GRAMD4: variants seen among roughly 807,000 people sequenced by gnomAD.
The protein encoded by GRAMD4 is GRAM domain containing 4.
GRAMD4 carries 25 observed loss-of-function variants against 83.9 expected under a neutral mutation model. The observed-to-expected ratio is 0.30, with a 90% confidence interval of 0.22 to 0.42. The LOEUF (loss-of-function observed/expected upper bound fraction) is 0.42. GRAMD4 is among the 10% of genes least tolerant of loss of function. GRAMD4 has a pLI of 1.00. For missense variants in GRAMD4, 593 were observed against 788.7 expected (o/e 0.75, Z 2.97); for synonymous variants, 336 against 320.9 (o/e 1.05, Z -0.50).
chr22:46,630,688 A>T lies in GRAMD4; in HGVS notation c.162+3727A>T, dbSNP rs112642561. Among the ~76,000 whole-genome samples, 156 of 152,090 alleles carry T rather than the reference A, an allele frequency of 1.0e-3. 1 individual carries two copies. Among genetic ancestry groups the T allele is most frequent in the African/African-American group, 3.6e-3 (149 of 41,406 alleles). On this transcript the variant is annotated intron_variant, in intron 2 of 18. Transcript: ENST00000406902. ...CAGCGGCTCAGGATCTCACCCTGGG[A>T]TGTTCGTCACTTCAGCTAATCTGTC...
rs745545858 is a variant in GRAMD4, at chr22:46,673,014, G to C, written c.1239+17G>C. ...TCACGCAGGGTGAGCCCGGCCCCCA[G>C]CTGCGGGGATGGGGGGATGGGGGGC... On this transcript the variant is annotated intron_variant, in intron 14 of 18. Transcript: ENST00000406902. The C allele has an allele frequency of 2.6e-6, 4 of 1,557,852 alleles. No individual in the cohort carries two copies. The Admixed American group carries it at 7.4e-5, about 29-fold the overall frequency.
chr22:46,615,960 TC>T (rs1419607150), upstream of GRAMD4, among the ~76,000 whole-genome samples: 2 of 132,404 alleles, frequency 1.5e-5, no homozygotes, highest in Admixed American at 1.5e-4. Flanking sequence ...ATGTGTAAGT[TC>T]CCCCCTGTGT....
chr22:46,597,261 G>C (rs958997356), intron 1 of GRAMD4, among the ~76,000 whole-genome samples: 4 of 152,160 alleles, frequency 2.6e-5, no homozygotes, highest in Non-Finnish European at 5.9e-5. Context: ...TGCTAAGCAA[G>C]GCTGTTTTAA....
chr22:46,585,286 G>A (rs1203376257), intron 1 of GRAMD4, among the ~76,000 whole-genome samples: 1 of 151,692 alleles, frequency 6.6e-6, no homozygotes, highest in Non-Finnish European at 1.5e-5. Flanking sequence ...CACCTCCCAG[G>A]TTCAAGTGAT....
intron 1 of GRAMD4, chr22:46,577,406 C>CCGCCGCCGCCGT: frequency 2.1e-6 from 1 of 482,926 alleles, no homozygotes. Flanking sequence ...CCCGCCGCCG[C>CCGCCGCCGCCGT]CGCCGCCGCC....
Position 46,677,306 on chromosome 22 carries a change from T to C in GRAMD4, c.*55T>C. On this transcript the variant is annotated 3_prime_UTR_variant, in exon 19 of 19. Transcript: ENST00000406902. ...TTTCTTTTTCTTTTTCTTTTTCTTT[T>C]TTTTTTTTTACGATTTGGTAGTGGA... 6.5e-7 allele frequency: 1 copy of C among 1,544,842 alleles called. No homozygotes were observed. Among genetic ancestry groups the C allele is most frequent in the South Asian group, 1.2e-5 (1 of 81,822 alleles).
At chr22:46,587,799 GCCTAA>G (rs2081165267) in intron 1 of GRAMD4, 1 of 589,058 alleles carries the variant, frequency 1.7e-6, no homozygotes, top group East Asian at 1.4e-4. Context: ...AGCCTGACCT[GCCTAA>G]CAGTGGAGGT....
intron 8 of GRAMD4, 112 bp from the exon 9 acceptor site, chr22:46,665,503 G>A: frequency 1.6e-6 from 1 of 628,154 alleles, no homozygotes; most frequent in East Asian, 2.8e-5. Flanking sequence ...TGGAGAGCCA[G>A]CGGGTGGCCT....
intron 1 of GRAMD4, among the ~76,000 whole-genome samples, chr22:46,602,982 C>G (rs1437402232): frequency 2.0e-5 from 3 of 151,882 alleles, no homozygotes; most frequent in Admixed American, 2.0e-4. Context: ...ATCTCGCTAT[C>G]TGCCTGCCTT....
chr22:46,671,456 A>C (rs1189805397), intron 13 of GRAMD4, among the ~76,000 whole-genome samples: 1 of 152,166 alleles, frequency 6.6e-6, no homozygotes, highest in Non-Finnish European at 1.5e-5. Context: ...CCTGGGCGAC[A>C]GAGCAAGACT....
chr22:46,599,964 G>A lies in GRAMD4; in HGVS notation c.-50+22674G>A, dbSNP rs566507457. Among the ~76,000 whole-genome samples the A allele has an allele frequency of 2.6e-5, 4 of 152,292 alleles. No homozygotes were observed. The East Asian group carries it at 7.7e-4, about 29-fold the overall frequency. On this transcript the variant is annotated intron_variant, in intron 1 of 1. Transcript: ENST00000431155. ...CCACCGGCGGCACCTTCTCCCTGTA[G>A]GACTGTCTGTCGAGTGGCTGACTGT...
intron 1 of GRAMD4, among the ~76,000 whole-genome samples, chr22:46,604,448 C>T (rs890965491): frequency 3.9e-5 from 6 of 152,108 alleles, no homozygotes; most frequent in Admixed American, 3.3e-4. Context: ...CATTTACTGG[C>T]GTTAAAGCAC....
Position 46,678,392 on chromosome 22 carries a change from AC to A in GRAMD4, c.*1148del, listed in dbSNP as rs533467893. 14 of 980,588 alleles carry A rather than the reference AC, an allele frequency of 1.4e-5. No individual in the cohort carries two copies. The highest frequency in any genetic ancestry group is 1.1e-4 in the East Asian group (1 of 8,754). 60.7% of individuals were successfully genotyped at this position (980,588 alleles called of 1,614,324 possible). On this transcript the variant is annotated 3_prime_UTR_variant, in exon 19 of 19. Coordinates refer to ENST00000406902, the MANE Select transcript of GRAMD4 (RefSeq NM_015124.5). ...CTAGCCGGTGCCGGTCCGGGCACAG[AC>A]CCCCCCAGCCCCCGCCCTGCCCCAG...
intron 16 of GRAMD4, 64 bp downstream of exon 16, chr22:46,674,814 C>T (rs993081514): frequency 3.4e-6 from 4 of 1,187,722 alleles, no homozygotes; most frequent in Non-Finnish European, 1.3e-6. Flanking sequence ...TGCCTAGGCC[C>T]TGGGATGGCG....
chr22:46,625,365 G>T (rs1246338684), intron 1 of GRAMD4, among the ~76,000 whole-genome samples: 1 of 152,214 alleles, frequency 6.6e-6, no homozygotes, highest in African/African-American at 2.4e-5. Flanking sequence ...AGGCTTTGGG[G>T]GCGGGGCAGG....
At chr22:46,637,761 G>T in intron 2 of GRAMD4, 79 bp from the exon 3 acceptor site, 3 of 1,514,708 alleles carry the variant, frequency 2.0e-6, no homozygotes, top group Non-Finnish European at 2.7e-6. Flanking sequence ...GGGCCCCTGG[G>T]CACCTCTGGG....
At chr22:46,673,421 C>T (rs916112380) in intron 14 of GRAMD4, among the ~76,000 whole-genome samples, 4 of 152,250 alleles carry the variant, frequency 2.6e-5, no homozygotes, top group African/African-American at 7.2e-5. Flanking sequence ...GCCAGGACCA[C>T]GGGGAATGAG....
At chr22:46,594,638 A>G (rs2081243323) in intron 1 of GRAMD4, among the ~76,000 whole-genome samples, 1 of 151,794 alleles carries the variant, frequency 6.6e-6, no homozygotes, top group African/African-American at 2.4e-5. Flanking sequence ...TCCAGGGGTA[A>G]AGTGGAGCTT....
chr22:46,655,731 C>T (rs1467246082), intron 3 of GRAMD4, among the ~76,000 whole-genome samples: 2 of 152,208 alleles, frequency 1.3e-5, no homozygotes, highest in Non-Finnish European at 2.9e-5. Context: ...CCGGGCTGGA[C>T]CCTGCCCCTA....
Sources: allele counts gnomAD v4.1 joint callset (sites outside exome capture counted in the v4.1 genomes callset), GRCh38; gene constraint gnomAD v4.1.1; transcripts MANE v1.5; gene names NCBI Gene and HGNC (gene_info 2026-07-23, HGNC 2026-07-21).